The following MARCHF1 variants were observed in gnomAD, a reference collection of about 807,000 sequenced individuals.
The protein encoded by MARCHF1 is membrane associated ring-CH-type finger 1.
MARCHF1 carries 40 observed loss-of-function variants against 54.2 expected under a neutral mutation model. That is an observed-to-expected ratio of 0.74 (90% confidence interval 0.57 to 0.96). The LOEUF (loss-of-function observed/expected upper bound fraction) is 0.96. MARCHF1 is among the 40% of genes least tolerant of loss of function. The pLI, the probability that MARCHF1 is intolerant of heterozygous loss-of-function variation, is 0.00. For synonymous variants in MARCHF1, 236 were observed against 236.3 expected (o/e 1.00, Z 0.01); for missense variants, 586 against 656.5 (o/e 0.89, Z 1.17).
chr4:163,707,659 A>G (rs1392333117), intron 4 of MARCHF1, among the ~76,000 whole-genome samples: 2 of 151,998 alleles, frequency 1.3e-5, no homozygotes, highest in Admixed American at 1.3e-4. Context: ...CTGGCAACAT[A>G]TATTGAAATT....
At chr4:164,241,877 G>T (rs1026502320) in intron 1 of MARCHF1, among the ~76,000 whole-genome samples, 1 of 152,178 alleles carries the variant, frequency 6.6e-6, no homozygotes, top group South Asian at 2.1e-4. Flanking sequence ...GATGGCACCT[G>T]GAAAATCAGG....
intron 1 of MARCHF1, among the ~76,000 whole-genome samples, chr4:164,117,405 T>C (rs1253492561): frequency 6.6e-6 from 1 of 152,098 alleles, no homozygotes; most frequent in Non-Finnish European, 1.5e-5. Flanking sequence ...TAGGAACATT[T>C]TAAAAGGTGG....
chr4:163,643,588 G>A (rs1742643029), intron 5 of MARCHF1, among the ~76,000 whole-genome samples: 1 of 152,106 alleles, frequency 6.6e-6, no homozygotes, highest in South Asian at 2.1e-4. Flanking sequence ...TGTTAAAAAT[G>A]GGGATGTCAG....
chr4:164,209,050 G>C (rs1290859195), intron 1 of MARCHF1, among the ~76,000 whole-genome samples: 1 of 150,240 alleles, frequency 6.7e-6, no homozygotes, highest in East Asian at 1.9e-4. Context: ...TAAAATGTTT[G>C]TGTGTGTGTA....
At chr4:164,162,431 C>T (rs1188583178) in intron 1 of MARCHF1, among the ~76,000 whole-genome samples, 1 of 152,052 alleles carries the variant, frequency 6.6e-6, no homozygotes, top group East Asian at 1.9e-4. Context: ...CCAGAGAGGG[C>T]AGCTGTGAGG....
rs182572433 is a variant in MARCHF1 at position 163,547,282 on chromosome 4, C to A, written c.1192-1539G>T. Reference sequence around the variant, plus strand: ...AGAGGTGGAGAAGAGAATAACCATTCTTCACTTCTTCTGTTAACAAACTAA... The same window carrying A: ...AGAGGTGGAGAAGAGAATAACCATTATTCACTTCTTCTGTTAACAAACTAA... On this transcript the variant is annotated intron_variant, in intron 8 of 9. Transcript: ENST00000514618. Among the ~76,000 whole-genome samples the A allele has an allele frequency of 1.2e-3, 189 of 152,340 alleles. 2 individuals are homozygous for A. The highest frequency in any genetic ancestry group is 4.2e-3 in the African/African-American group (173 of 41,576).
intron 9 of MARCHF1, 26 bp from the exon 10 acceptor site, chr4:163,529,072 T>C (rs1421958856): frequency 6.4e-6 from 10 of 1,565,828 alleles, no homozygotes; most frequent in Non-Finnish European, 8.7e-6. Context: ...GAGAAAATGT[T>C]ATCACCAAGT....
intron 5 of MARCHF1, among the ~76,000 whole-genome samples, chr4:163,661,576 G>A (rs1743344886): frequency 6.6e-6 from 1 of 151,906 alleles, no homozygotes; most frequent in Non-Finnish European, 1.5e-5. Flanking sequence ...AGAACGGGAT[G>A]CAAAATTTTG....
At chr4:164,006,045 A>C (rs1753278977) in intron 2 of MARCHF1, among the ~76,000 whole-genome samples, 1 of 152,086 alleles carries the variant, frequency 6.6e-6, no homozygotes, top group Non-Finnish European at 1.5e-5. Context: ...AAAGATATAG[A>C]TGTATACCCA....
intron 2 of MARCHF1, among the ~76,000 whole-genome samples, chr4:164,046,431 AT>A (rs1289955497): frequency 6.6e-6 from 1 of 152,248 alleles, no homozygotes; most frequent in African/African-American, 2.4e-5. Context: ...TGATGAATTG[AT>A]AAAAATTAAA....
intron 1 of MARCHF1, among the ~76,000 whole-genome samples, chr4:164,212,676 C>A (rs1426717426): frequency 6.6e-6 from 1 of 152,148 alleles, no homozygotes; most frequent in African/African-American, 2.4e-5. Flanking sequence ...GCAAGATCCA[C>A]TGATGTTCAA....
intron 5 of MARCHF1, among the ~76,000 whole-genome samples, chr4:163,630,970 T>G (rs538891369): frequency 6.6e-6 from 1 of 152,150 alleles, no homozygotes; most frequent in Non-Finnish European, 1.5e-5. Context: ...TTTTTGTCCA[T>G]ACATGTTGTA....
At chr4:163,988,948 C>T (rs1463490078) in intron 2 of MARCHF1, 1 of 152,118 alleles carries the variant, frequency 6.6e-6, no homozygotes, top group African/African-American at 2.4e-5. Flanking sequence ...TCTATGGTAC[C>T]TAATAACTGT....
chr4:164,085,828 T>A (rs1755182201), intron 2 of MARCHF1, among the ~76,000 whole-genome samples: 1 of 151,832 alleles, frequency 6.6e-6, no homozygotes, highest in Non-Finnish European at 1.5e-5. Context: ...ATATTATGAC[T>A]ATGTATTCTG....
At chr4:163,937,425 G>T (rs1457049000) in intron 3 of MARCHF1, among the ~76,000 whole-genome samples, 1 of 151,722 alleles carries the variant, frequency 6.6e-6, no homozygotes, top group East Asian at 1.9e-4. Context: ...AAAAAGGAAT[G>T]AACTCAAATC....
intron 1 of MARCHF1, among the ~76,000 whole-genome samples, chr4:164,143,139 A>G: frequency 6.6e-6 from 1 of 150,610 alleles, no homozygotes; most frequent in East Asian, 1.9e-4. Flanking sequence ...ATAAAAAGAA[A>G]TGAGCAAAGC....
chr4:163,950,288 G>A (rs1752108348), intron 3 of MARCHF1, among the ~76,000 whole-genome samples: 1 of 152,212 alleles, frequency 6.6e-6, no homozygotes, highest in Non-Finnish European at 1.5e-5. Flanking sequence ...GCTTATCAGT[G>A]CCCAAAGTCC....
At chr4:163,931,498 G>A (rs949142236) in intron 3 of MARCHF1, among the ~76,000 whole-genome samples, 4 of 152,060 alleles carry the variant, frequency 2.6e-5, no homozygotes, top group South Asian at 2.1e-4. Flanking sequence ...CTTCCACCAC[G>A]AGAAGTTACA....
At chr4:164,100,081 C>A (rs995537360) in intron 2 of MARCHF1, among the ~76,000 whole-genome samples, 7 of 152,160 alleles carry the variant, frequency 4.6e-5, no homozygotes, top group African/African-American at 1.7e-4. Flanking sequence ...TTAAAGACTT[C>A]TAATTTTTAC....
Sources: allele counts gnomAD v4.1 joint callset (sites outside exome capture counted in the v4.1 genomes callset), GRCh38; gene constraint gnomAD v4.1.1; transcripts MANE v1.5; gene names NCBI Gene and HGNC (gene_info 2026-07-23, HGNC 2026-07-21).